CA10: variants seen among roughly 807,000 people sequenced by gnomAD.
The protein encoded by CA10 is carbonic anhydrase-related protein 10.
CA10 carries 14 observed loss-of-function variants against 44.2 expected under a neutral mutation model. The ratio of observed to expected loss-of-function variants is 0.32; its 90% CI spans 0.21 to 0.50. The LOEUF is 0.50. Ranked by LOEUF, CA10 falls within the 20% of genes least tolerant of loss-of-function variation. The pLI is 0.99. For missense variants in CA10, 350 were observed against 409.7 expected, an observed-to-expected ratio of 0.85 and a Z score of 1.26; for synonymous variants, 159 against 141.6, an observed-to-expected ratio of 1.12 and a Z score of -0.87.
intron 2 of CA10, among the ~76,000 whole-genome samples, chr17:52,010,632 G>C (rs75776338): frequency 0.011 from 1,610 of 151,974 alleles, 14 homozygotes; most frequent in Middle Eastern, 0.024. Flanking sequence ...AAATGTGGGG[G>C]ATGGTGAGGG....
At chr17:51,868,897 T>TG (rs1473837151) in intron 3 of CA10, among the ~76,000 whole-genome samples, 1 of 151,820 alleles carries the variant, frequency 6.6e-6, no homozygotes, top group Non-Finnish European at 1.5e-5. Context: ...TTTTGTTTTT[T>TG]TTTTTTTACA....
chr17:51,916,437 G>C (rs562485873), intron 3 of CA10, among the ~76,000 whole-genome samples: 1 of 152,170 alleles, frequency 6.6e-6, no homozygotes, highest in Non-Finnish European at 1.5e-5. Flanking sequence ...GTCATGAGAC[G>C]GATCTGGTGG....
intron 2 of CA10, among the ~76,000 whole-genome samples, chr17:51,947,542 A>G (rs1464771428): frequency 1.3e-5 from 2 of 152,186 alleles, no homozygotes. Flanking sequence ...TCACTTTAAT[A>G]TGACACTATA....
rs77556347 is a variant in CA10 at position 52,052,887 on chromosome 17, G to A, written c.136+19432C>T. 5.9e-4 allele frequency among the ~76,000 whole-genome samples: 90 copies of A among 151,992 alleles called. No individual in the cohort carries two copies. The East Asian group carries it at 0.012, about 20-fold the overall frequency. On this transcript the variant is annotated intron_variant, in intron 2 of 8. Coordinates refer to ENST00000451037, the MANE Select transcript of CA10 (RefSeq NM_020178.5). ...GCTCCCATATTGAAACCGTGTAAAG[G>A]GCCTTCCAGTAAAGCAATACAGTGT...
At chr17:51,862,485 C>A (rs181286912) in intron 3 of CA10, among the ~76,000 whole-genome samples, 1 of 151,464 alleles carries the variant, frequency 6.6e-6, no homozygotes, top group Non-Finnish European at 1.5e-5. Context: ...GCATTATACT[C>A]TAGAGGAGAC....
At chr17:52,103,947 T>C (rs138648267) in intron 1 of CA10, among the ~76,000 whole-genome samples, 15 of 152,314 alleles carry the variant, frequency 9.8e-5, no homozygotes, top group African/African-American at 2.9e-4. Context: ...CAGACTGATC[T>C]AGGTTCAAAC....
intron 1 of CA10, among the ~76,000 whole-genome samples, chr17:52,135,997 C>T (rs1989349051): frequency 6.6e-6 from 1 of 152,162 alleles, no homozygotes; most frequent in African/African-American, 2.4e-5. Flanking sequence ...CCAATAAGCT[C>T]TCCAAATAAA....
intron 4 of CA10, among the ~76,000 whole-genome samples, chr17:51,679,482 T>C (rs866032738): frequency 4.6e-5 from 7 of 151,942 alleles, no homozygotes; most frequent in Admixed American, 1.3e-4. Flanking sequence ...AGGATGGTCT[T>C]GATCTCCTGA....
At chr17:51,907,196 T>C (rs778990018) in intron 3 of CA10, among the ~76,000 whole-genome samples, 58 of 152,224 alleles carry the variant, frequency 3.8e-4, no homozygotes, top group Admixed American at 2.4e-3. Context: ...AGTGACCTTC[T>C]TCCTGTTTAT....
At chr17:51,875,078 A>T (rs956971119) in intron 3 of CA10, among the ~76,000 whole-genome samples, 1 of 151,378 alleles carries the variant, frequency 6.6e-6, no homozygotes, top group African/African-American at 2.4e-5. Context: ...GGCTCAAGCC[A>T]TCCTCCCACC....
At chr17:51,938,948 GA>G (rs1420237697) in intron 2 of CA10, among the ~76,000 whole-genome samples, 6 of 151,800 alleles carry the variant, frequency 4.0e-5, no homozygotes. Flanking sequence ...AACAAACAAA[GA>G]AAAAAACCAA....
In CA10 at chr17:51,998,510, C is replaced by T. The variant is rs376755552; in HGVS notation, c.137-67378G>A. Among the ~76,000 whole-genome samples the T allele has an allele frequency of 9.2e-5, 14 of 152,082 alleles. No individual in the cohort carries two copies. The East Asian group carries it at 2.3e-3, about 25-fold the overall frequency. ...TAAAATTAGAGCACCATCCCTTTTT[C>T]CTCGAGTGGATTTCTCTTCTCATTT... On this transcript the variant is annotated intron_variant, in intron 2 of 8. Transcript: ENST00000451037.
At chr17:51,964,435 A>G (rs1984004633) in intron 2 of CA10, among the ~76,000 whole-genome samples, 1 of 151,988 alleles carries the variant, frequency 6.6e-6, no homozygotes, top group Non-Finnish European at 1.5e-5. Flanking sequence ...AACACTCCAC[A>G]CAGAAACCAC....
intron 1 of CA10, among the ~76,000 whole-genome samples, chr17:52,089,243 G>A (rs764574933): frequency 2.0e-5 from 3 of 152,174 alleles, no homozygotes; most frequent in South Asian, 2.1e-4. Context: ...GTGTCACTAT[G>A]TGTACACTTA....
chr17:51,808,882 C>T (rs1010244516), intron 3 of CA10, among the ~76,000 whole-genome samples: 1 of 152,084 alleles, frequency 6.6e-6, no homozygotes, highest in Non-Finnish European at 1.5e-5. Flanking sequence ...AGAATATGCA[C>T]TATATTTATA....
At chr17:51,889,397 A>G (rs1305003597) in intron 3 of CA10, among the ~76,000 whole-genome samples, 1 of 151,984 alleles carries the variant, frequency 6.6e-6, no homozygotes, top group African/African-American at 2.4e-5. Context: ...TGGGGTGAAC[A>G]CCCATAGTCC....
intron 1 of CA10, among the ~76,000 whole-genome samples, chr17:52,105,701 A>G (rs1482741842): frequency 6.6e-6 from 1 of 152,240 alleles, no homozygotes; most frequent in Non-Finnish European, 1.5e-5. Context: ...GACATACAGC[A>G]AGTCCCACTA....
chr17:52,135,003 CA>C (rs1989323194), intron 1 of CA10: 3 of 518,286 alleles, frequency 5.8e-6, no homozygotes, highest in South Asian at 4.2e-5. Context: ...CCTGCATCTC[CA>C]ACCCAGACTG....
chr17:51,943,929 G>T (rs73987322), intron 2 of CA10, among the ~76,000 whole-genome samples: 6,416 of 152,180 alleles, frequency 0.042, 191 homozygotes, highest in African/African-American at 0.087. Context: ...ACATTCAAAT[G>T]TTGCCTCCTG....
Sources: allele counts gnomAD v4.1 joint callset (sites outside exome capture counted in the v4.1 genomes callset), GRCh38; gene constraint gnomAD v4.1.1; transcripts MANE v1.5; gene names NCBI Gene and HGNC (gene_info 2026-07-23, HGNC 2026-07-21).